Variants in MRPL34 observed in about 807,000 individuals in gnomAD.
MRPL34 encodes large ribosomal subunit protein bL34m.
Under a neutral mutation model 6.7 loss-of-function variants are expected in MRPL34, and 8 were observed. The ratio of observed to expected loss-of-function variants is 1.20; its 90% CI spans 0.70 to 2.16. The LOEUF (loss-of-function observed/expected upper bound fraction) is 2.16. Among genes scored for constraint, MRPL34 ranks in the 30% most tolerant of loss-of-function variants. MRPL34 has a pLI of 0.00. For missense variants in MRPL34, 146 were observed against 125.5 expected, an observed-to-expected ratio of 1.16 and a Z score of -0.78; for synonymous variants, 59 against 55.1, an observed-to-expected ratio of 1.07 and a Z score of -0.31.
At chr19:17,293,099 T>TTTC (rs752733690) in intron 1 of MRPL34, among the ~76,000 whole-genome samples, 3 of 9,522 alleles carry the variant, frequency 3.2e-4, no homozygotes, top group African/African-American at 1.3e-3. Flanking sequence ...CTTTTCTTTC[T>TTTC]TTTTTTTTTT....
rs71334702 is a variant in MRPL34, at chr19:17,297,744, CTT to C, written c.214+4905_214+4906del. On this transcript the variant is annotated intron_variant, in intron 1 of 2. Transcript: ENST00000595444. ...TTATGTAACTTCTTTGTTTTCTTTTCTTTTTTTTTTTTTTTTACTTTTTAGTT... is the reference window on the plus strand; with the variant it reads ...TTATGTAACTTCTTTGTTTTCTTTTCTTTTTTTTTTTTTTACTTTTTAGTT... The C allele has an allele frequency of 1.4e-3, 180 of 130,190 alleles. 1 individual carries two copies. Among genetic ancestry groups the C allele is most frequent in the Non-Finnish European group, 2.0e-3 (117 of 59,916 alleles). 8.1% of individuals were successfully genotyped at this position (130,190 alleles called of 1,614,324 possible). A position where few individuals can be genotyped will look rare whatever the true frequency, so the allele number is the denominator to read the frequency against.
upstream of MRPL34, among the ~76,000 whole-genome samples, chr19:17,304,193 T>C (rs950732796): frequency 6.6e-5 from 10 of 152,200 alleles, no homozygotes; most frequent in African/African-American, 1.7e-4. Context: ...CTGCCATGGT[T>C]CTGAGAAGGG....
upstream of MRPL34, chr19:17,301,313 C>G: frequency 6.2e-7 from 1 of 1,607,594 alleles, no homozygotes; most frequent in Non-Finnish European, 8.5e-7. Context: ...TGTAGGAGGT[C>G]GGCTCGAGGG....
intron 1 of MRPL34, chr19:17,294,744 C>T (rs1201320788): frequency 1.9e-6 from 3 of 1,614,038 alleles, no homozygotes; most frequent in Non-Finnish European, 2.5e-6. Context: ...GAAGATTGAG[C>T]AGAAGCTGGG....
chr19:17,301,951 G>C (rs2074122140), upstream of MRPL34, among the ~76,000 whole-genome samples: 1 of 152,136 alleles, frequency 6.6e-6, no homozygotes, highest in Admixed American at 6.6e-5. Context: ...GTGCCACCAT[G>C]TCTAGCTAAT....
At chr19:17,298,677 C>A (rs183377067), upstream of MRPL34, among the ~76,000 whole-genome samples, 91 of 151,424 alleles carry the variant, frequency 6.0e-4, no homozygotes, top group African/African-American at 2.1e-3. Flanking sequence ...TCCTATAGCC[C>A]CTCACAGAAA....
intron 1 of MRPL34, chr19:17,294,227 G>A: frequency 2.6e-6 from 4 of 1,556,020 alleles, no homozygotes; most frequent in South Asian, 1.2e-5. Context: ...CAGAGGCCAC[G>A]CCCCTCCCGG....
Position 17,305,878 on chromosome 19 carries a change from G to C in MRPL34, c.-15G>C. 1 of 1,613,944 alleles carries C rather than the reference G, an allele frequency of 6.2e-7. No homozygotes were observed. Among genetic ancestry groups the C allele is most frequent in the Middle Eastern group, 1.6e-4 (1 of 6,062 alleles). On this transcript the variant is annotated 5_prime_UTR_variant, in exon 1 of 2. Transcript: ENST00000252602. The stretch of plus-strand genomic sequence containing the variant: ...GGAATCGCCCGCAGCCGGTACTGCG[G>C]GACCCACTGCGGATATGGCTGTCTT...
chr19:17,304,622 A>G (rs1437843438), upstream of MRPL34, among the ~76,000 whole-genome samples: 1 of 152,104 alleles, frequency 6.6e-6, no homozygotes, highest in East Asian at 1.9e-4. Flanking sequence ...CTGGGAGACT[A>G]TACAGTTTAT....
chr19:17,300,085 T>C (rs2074110773), upstream of MRPL34, among the ~76,000 whole-genome samples: 1 of 151,628 alleles, frequency 6.6e-6, no homozygotes, highest in South Asian at 2.1e-4. Context: ...TTTGTATTTT[T>C]AGTAGAGACA....
chr19:17,306,380 G>A lies in MRPL34; in HGVS notation c.*1G>A. The stretch of plus-strand genomic sequence containing the variant: ...GGGCCGCAAGTCGCTGAGCCATTGA[G>A]GATCGCGACGCAGTCGGCGGGACCC... On this transcript the variant is annotated 3_prime_UTR_variant, in exon 2 of 2. Transcript: ENST00000252602. The A allele has an allele frequency of 6.3e-7, 1 of 1,578,692 alleles. No homozygotes were observed.
upstream of MRPL34, chr19:17,297,889 C>G (rs1399151582): frequency 6.6e-6 from 1 of 150,998 alleles, no homozygotes; most frequent in Non-Finnish European, 1.5e-5. Flanking sequence ...AGCCACCACA[C>G]CTGGCCACTT....
chr19:17,306,395 C>A lies in MRPL34; in HGVS notation c.*16C>A. The A allele has an allele frequency of 1.9e-6, 3 of 1,546,324 alleles. No individual in the cohort carries two copies. In the South Asian group the frequency reaches 3.6e-5, roughly 19 times the overall value. On this transcript the variant is annotated 3_prime_UTR_variant, in exon 2 of 2. Coordinates refer to ENST00000252602, the MANE Select transcript of MRPL34 (RefSeq NM_023937.4). ...GAGCCATTGAGGATCGCGACGCAGTCGGCGGGACCCTCATGGAAGCATCGC... is the reference window on the plus strand; with the variant it reads ...GAGCCATTGAGGATCGCGACGCAGTAGGCGGGACCCTCATGGAAGCATCGC...
intron 1 of MRPL34, chr19:17,294,917 T>G: frequency 6.5e-7 from 1 of 1,529,144 alleles, no homozygotes; most frequent in Non-Finnish European, 8.9e-7. Flanking sequence ...GTGACCATTT[T>G]GTTTTGCTTT....
At chr19:17,295,733 G>A (rs1029114287) in intron 1 of MRPL34, among the ~76,000 whole-genome samples, 6 of 152,116 alleles carry the variant, frequency 3.9e-5, no homozygotes, top group African/African-American at 1.4e-4. Context: ...TTGAGACAAG[G>A]TTTCGCTGTC....
chr19:17,305,896 G>C lies in MRPL34; in HGVS notation c.4G>C (p.Ala2Pro), dbSNP rs1402880920. The C allele has an allele frequency of 6.2e-7, 1 of 1,614,056 alleles. No individual in the cohort carries two copies. The highest frequency in any genetic ancestry group is 1.1e-5 in the South Asian group (1 of 91,088). Residue 2 changes from alanine (A) to proline (P), a missense_variant, in exon 1 of 2, where the codon GCT becomes CCT. By Grantham distance (27) the Ala-to-Pro change is conservative. Coordinates refer to ENST00000252602, the MANE Select transcript of MRPL34 (RefSeq NM_023937.4). The stretch of plus-strand genomic sequence containing the variant: ...TACTGCGGGACCCACTGCGGATATG[G>C]CTGTCTTGGCTGGATCCCTGTTGGG... M[A>P]VLAGSLLGPT... is the part of the protein sequence containing the mutation.
intron 1 of MRPL34, among the ~76,000 whole-genome samples, chr19:17,296,008 G>A (rs73014464): frequency 0.022 from 3,410 of 152,104 alleles, 55 homozygotes; most frequent in Middle Eastern, 0.051. Flanking sequence ...GTGACACCCG[G>A]CCTGGTGAGG....
chr19:17,300,915 C>T (rs1372803110), upstream of MRPL34: 1 of 1,610,082 alleles, frequency 6.2e-7, no homozygotes, highest in Admixed American at 1.7e-5. Flanking sequence ...AGATTGCTCG[C>T]ATGTCCTCAG....
chr19:17,305,631 C>A, upstream of MRPL34: 1 of 536,046 alleles, frequency 1.9e-6, no homozygotes, highest in Non-Finnish European at 3.4e-6. Flanking sequence ...GGAGATAATG[C>A]CTTGTGCGCA....
Sources: allele counts gnomAD v4.1 joint callset (sites outside exome capture counted in the v4.1 genomes callset), GRCh38; gene constraint gnomAD v4.1.1; transcripts MANE v1.5; gene names NCBI Gene and HGNC (gene_info 2026-07-23, HGNC 2026-07-21).